DLG2: variants seen among roughly 807,000 people sequenced by gnomAD.
DLG2 encodes discs large MAGUK scaffold protein 2.
Under a neutral mutation model 132.5 loss-of-function variants are expected in DLG2, and 45 were observed. The ratio of observed to expected loss-of-function variants is 0.34; its 90% CI spans 0.27 to 0.44. The LOEUF is 0.44. Ranked by LOEUF, DLG2 falls within the 20% of genes least tolerant of loss-of-function variation. The probability of loss-of-function intolerance (pLI) is 1.00; values close to 1 mark genes in which losing one functional copy is unlikely to be tolerated. For synonymous variants in DLG2, 424 were observed against 419.6 expected, an observed-to-expected ratio of 1.01 and a Z score of -0.13; for missense variants, 1,045 against 1,196.9, an observed-to-expected ratio of 0.87 and a Z score of 1.87.
At chr11:85,206,110 T>A (rs1027400036) in intron 4 of DLG2, among the ~76,000 whole-genome samples, 1 of 152,018 alleles carries the variant, frequency 6.6e-6, no homozygotes, top group Non-Finnish European at 1.5e-5. Flanking sequence ...TCTGGTTTTT[T>A]AAAAGTGTGT....
intron 20 of DLG2, among the ~76,000 whole-genome samples, chr11:83,535,991 C>G (rs943774489): frequency 2.0e-5 from 3 of 152,152 alleles, no homozygotes; most frequent in Admixed American, 6.5e-5. Context: ...CACAGCCACT[C>G]AGTTTGGGAA....
At chr11:83,560,732 G>T (rs371019219) in intron 19 of DLG2, among the ~76,000 whole-genome samples, 1 of 152,100 alleles carries the variant, frequency 6.6e-6, no homozygotes, top group African/African-American at 2.4e-5. Context: ...AATGATCAGG[G>T]ATTTTCTTCC....
At chr11:84,903,970 A>C (rs1370646962) in intron 6 of DLG2, among the ~76,000 whole-genome samples, 1 of 152,166 alleles carries the variant, frequency 6.6e-6, no homozygotes, top group East Asian at 1.9e-4. Flanking sequence ...GCAATTTACA[A>C]ATGGAGAAAT....
At chr11:84,065,813 T>A (rs1358265762) in intron 10 of DLG2, among the ~76,000 whole-genome samples, 1 of 152,120 alleles carries the variant, frequency 6.6e-6, no homozygotes, top group African/African-American at 2.4e-5. Flanking sequence ...ATAGACTCAA[T>A]CTAAATGCCC....
intron 6 of DLG2, among the ~76,000 whole-genome samples, chr11:84,820,151 A>G (rs1406912984): frequency 6.6e-6 from 1 of 151,618 alleles, no homozygotes; most frequent in Non-Finnish European, 1.5e-5. Flanking sequence ...AAATACTGGA[A>G]ATACCAGCAG....
chr11:83,904,691 A>G (rs1461376718), intron 15 of DLG2, among the ~76,000 whole-genome samples: 1 of 152,016 alleles, frequency 6.6e-6, no homozygotes, highest in Non-Finnish European at 1.5e-5. Context: ...CATAATAACA[A>G]TAATGCATTT....
At chr11:83,919,981 C>A (rs1180859986) in intron 15 of DLG2, among the ~76,000 whole-genome samples, 1 of 152,128 alleles carries the variant, frequency 6.6e-6, no homozygotes, top group Non-Finnish European at 1.5e-5. Flanking sequence ...AGGCAGGTTG[C>A]TCAAAGAACA....
intron 15 of DLG2, among the ~76,000 whole-genome samples, chr11:83,891,778 T>G (rs1387150465): frequency 6.6e-6 from 1 of 152,200 alleles, no homozygotes; most frequent in Non-Finnish European, 1.5e-5. Context: ...CCTATTATTT[T>G]GCTGGGTTCT....
chr11:83,887,939 A>G (rs11512914), intron 15 of DLG2, among the ~76,000 whole-genome samples: 42,044 of 123,344 alleles, frequency 0.34, 8,123 homozygotes, highest in South Asian at 0.48. Context: ...AGGTATTGAT[A>G]GGACGTATCT....
intron 9 of DLG2, among the ~76,000 whole-genome samples, chr11:84,148,328 A>T (rs954277115): frequency 2.0e-5 from 3 of 152,094 alleles, no homozygotes; most frequent in Non-Finnish European, 2.9e-5. Context: ...CCAGGAAGTG[A>T]GCATGGTCCT....
chr11:84,554,615 G>A (rs889916860), intron 6 of DLG2, among the ~76,000 whole-genome samples: 16 of 151,984 alleles, frequency 1.1e-4, no homozygotes, highest in African/African-American at 1.7e-4. Flanking sequence ...GCATGGTGGC[G>A]CATGCCTGTA....
Position 84,207,932 on chromosome 11 carries a change from A to C in DLG2, c.573+43306T>G, listed in dbSNP as rs189488292. On this transcript the variant is annotated intron_variant, in intron 8 of 27. Transcript: ENST00000376104. ...CAATTTTCATAAATAAATAATAAAA[A>C]AGTAAATAGCTCATTTCTTTACATG... Among the ~76,000 whole-genome samples the C allele has an allele frequency of 5.9e-5, 9 of 152,312 alleles. No individual in the cohort carries two copies. In the East Asian group the frequency reaches 1.7e-3, roughly 29 times the overall value.
chr11:85,609,508 G>A (rs1011991520), intron 2 of DLG2, among the ~76,000 whole-genome samples: 2 of 152,170 alleles, frequency 1.3e-5, no homozygotes, highest in Admixed American at 6.5e-5. Flanking sequence ...ACTCGGTAGG[G>A]CTTGTTATCA....
At position 84,274,043 on chromosome 11, in the gene DLG2, C is replaced by G. The variant is rs554287932; in HGVS notation, c.520-22752G>C. On this transcript the variant is annotated intron_variant, in intron 7 of 27. Transcript: ENST00000376104. The stretch of plus-strand genomic sequence containing the variant: ...AAGGAGAATCGTGTCTTTAAATGTT[C>G]TCGGGAAATGAGAGTAGGCTGGAAT... Among the ~76,000 whole-genome samples the G allele has an allele frequency of 5.3e-5, 8 of 152,192 alleles. No homozygotes were observed. In the South Asian group the frequency reaches 1.7e-3, roughly 32 times the overall value.
chr11:85,521,430 A>G (rs534412823), intron 3 of DLG2, among the ~76,000 whole-genome samples: 1 of 152,316 alleles, frequency 6.6e-6, no homozygotes, highest in South Asian at 2.1e-4. Context: ...AGTCAATTAA[A>G]CTTCTTTCCT....
intron 6 of DLG2, among the ~76,000 whole-genome samples, chr11:84,606,974 A>T (rs2099586928): frequency 6.6e-6 from 1 of 152,102 alleles, no homozygotes; most frequent in African/African-American, 2.4e-5. Flanking sequence ...AAAGCATTTT[A>T]TATGTTTCTA....
intron 6 of DLG2, among the ~76,000 whole-genome samples, chr11:84,862,987 A>G (rs2154030819): frequency 6.6e-6 from 1 of 152,104 alleles, no homozygotes; most frequent in East Asian, 2.0e-4. Context: ...AAAAAGAGAT[A>G]TTAGTTCCGT....
chr11:83,857,016 G>T (rs570566386), intron 16 of DLG2, among the ~76,000 whole-genome samples: 13 of 152,266 alleles, frequency 8.5e-5, no homozygotes, highest in Middle Eastern at 3.4e-3. Context: ...TATAAGAAAG[G>T]AGTACAGTTT....
intron 6 of DLG2, among the ~76,000 whole-genome samples, chr11:84,962,692 T>C (rs1267423638): frequency 6.6e-6 from 1 of 152,162 alleles, no homozygotes; most frequent in African/African-American, 2.4e-5. Context: ...ATCCACAGAA[T>C]TTCCTTTACA....
Sources: gnomAD v4.1 joint callset for allele counts (sites outside exome capture counted in the v4.1 genomes callset) on GRCh38, gnomAD v4.1.1 for gene constraint, MANE v1.5 for transcripts, NCBI Gene and HGNC (gene_info 2026-07-23, HGNC 2026-07-21) for gene names.